Variants in FAM234A observed in about 807,000 individuals in gnomAD.
The protein encoded by FAM234A is protein FAM234A.
Under a neutral mutation model 49.1 loss-of-function variants are expected in FAM234A, and 42 were observed. The ratio of observed to expected loss-of-function variants is 0.86; its 90% CI spans 0.67 to 1.11. The LOEUF (loss-of-function observed/expected upper bound fraction) is 1.11, where lower values mean the gene tolerates loss of function less well. FAM234A is among the 50% of genes least tolerant of loss of function. The probability of loss-of-function intolerance (pLI) is 0.00; values close to 1 mark genes in which losing one functional copy is unlikely to be tolerated. For missense variants in FAM234A, 815 were observed against 745.2 expected (o/e 1.09, Z -1.09); for synonymous variants, 369 against 316.2 (o/e 1.17, Z -1.77).
intron 1 of FAM234A, among the ~76,000 whole-genome samples, chr16:237,863 C>T (rs897637514): frequency 6.6e-6 from 1 of 151,726 alleles, no homozygotes; most frequent in East Asian, 1.9e-4. Flanking sequence ...ACTACCACGC[C>T]CAGCTATTTT....
At position 243,384 on chromosome 16, in the gene FAM234A, G is replaced by C. The variant is rs549731563; in HGVS notation, c.-139-6165G>C. Among the ~76,000 whole-genome samples, 8 of 152,258 alleles carry C rather than the reference G, an allele frequency of 5.3e-5. 1 individual carries two copies. The South Asian group carries it at 1.7e-3, about 32-fold the overall frequency. ...GGTCAATGGTATGGATGCTAAAGTA[G>C]AGCAAGGACAGTGCCCTGCTCAAGT... On this transcript the variant is annotated intron_variant, in intron 1 of 12. Transcript: ENST00000399932.
chr16:260,098 C>T lies in FAM234A; in HGVS notation c.515C>T (p.Ala172Val), dbSNP rs775558901. 2 of 1,613,884 alleles carry T rather than the reference C, an allele frequency of 1.2e-6. No homozygotes were observed. The highest frequency in any genetic ancestry group is 2.2e-5 in the East Asian group (1 of 44,882). ...CAVPQPRGSEAPSACILVGRP... is the reference protein window; with the variant it reads ...CAVPQPRGSEVPSACILVGRP... Reference sequence around the variant, plus strand: ...GTGCCCCAGCCAAGAGGCAGTGAGGCACCTTCTGCCTGCATCCTGGTGGGC... The same window carrying T: ...GTGCCCCAGCCAAGAGGCAGTGAGGTACCTTCTGCCTGCATCCTGGTGGGC... The change falls in exon 5 of 13, where the codon GCA becomes GTA. Residue 172 changes from alanine to valine, a missense_variant. Coordinates refer to ENST00000399932, the MANE Select transcript of FAM234A (RefSeq NM_032039.4).
chr16:253,399 C>T (rs1013058017), intron 2 of FAM234A, among the ~76,000 whole-genome samples: 4 of 152,122 alleles, frequency 2.6e-5, no homozygotes, highest in Non-Finnish European at 5.9e-5. Flanking sequence ...TATCCATGAA[C>T]ATATTTTATT....
At chr16:252,289 C>G (rs2051051500) in intron 2 of FAM234A, among the ~76,000 whole-genome samples, 1 of 149,910 alleles carries the variant, frequency 6.7e-6, no homozygotes, top group Non-Finnish European at 1.5e-5. Context: ...TCAAGCCATT[C>G]TCCTGCCTCA....
chr16:261,444 T>G lies in FAM234A; in HGVS notation c.638T>G (p.Leu213Arg). The G allele has an allele frequency of 6.2e-7, 1 of 1,613,640 alleles. No individual in the cohort carries two copies. Residue 213 changes from leucine (L) to arginine (R), a missense_variant, in exon 6 of 13, where the codon CTG becomes CGG. Coordinates refer to ENST00000399932, the MANE Select transcript of FAM234A (RefSeq NM_032039.4). ...FSGNASILSP[L>R]LQVPDVDGDG... Reference sequence around the variant, plus strand: ...GGGAATGCGTCCATCCTGAGCCCTCTGCTGCAGGTGCCTGATGTGGACGGC... The same window carrying G: ...GGGAATGCGTCCATCCTGAGCCCTCGGCTGCAGGTGCCTGATGTGGACGGC...
At position 265,196 on chromosome 16, in the gene FAM234A, A is replaced by G. The variant is rs1486770242; in HGVS notation, c.*174A>G. The G allele has an allele frequency of 6.4e-6, 9 of 1,416,296 alleles. No individual in the cohort carries two copies. The highest frequency in any genetic ancestry group is 1.4e-5 in the African/African-American group (1 of 69,336). The allele number at this position is 1,416,296 out of a possible 1,614,324, so 87.7% of individuals were successfully genotyped here. A position where few individuals can be genotyped will look rare whatever the true frequency, so the allele number is the denominator to read the frequency against. On this transcript the variant is annotated 3_prime_UTR_variant, in exon 13 of 13. Coordinates refer to ENST00000399932, the MANE Select transcript of FAM234A (RefSeq NM_032039.4). ...TCCATGATCACACCCAGGGACCTGC[A>G]TGGGTGAGGGGACACCCTGGGCCTC...
chr16:254,384 C>T lies in FAM234A; in HGVS notation c.-30C>T. The T allele has an allele frequency of 6.2e-7, 1 of 1,610,874 alleles. No homozygotes were observed. Among genetic ancestry groups the T allele is most frequent in the Admixed American group, 1.7e-5 (1 of 59,670 alleles). On this transcript the variant is annotated 5_prime_UTR_variant, in exon 3 of 13. Coordinates refer to ENST00000399932, the MANE Select transcript of FAM234A (RefSeq NM_032039.4). ...ACCTCTTGCTTTATCGACACAGTGA[C>T]CAGGAGTTAAACTTTGGGATGTGCC...
chr16:266,419 C>T (rs2051694815), downstream of FAM234A, among the ~76,000 whole-genome samples: 1 of 152,174 alleles, frequency 6.6e-6, no homozygotes, highest in African/African-American at 2.4e-5. Flanking sequence ...CGTCTGAGGG[C>T]TGGCTGGAGT....
chr16:265,166 A>G lies in FAM234A; in HGVS notation c.*144A>G. The G allele has an allele frequency of 7.0e-7, 1 of 1,430,890 alleles. No individual in the cohort carries two copies. Among genetic ancestry groups the G allele is most frequent in the Non-Finnish European group, 9.1e-7 (1 of 1,096,112 alleles). 88.6% of individuals were successfully genotyped at this position (1,430,890 alleles called of 1,614,324 possible). On this transcript the variant is annotated 3_prime_UTR_variant, in exon 13 of 13. Transcript: ENST00000399932. ...GCCACTGGGCAGCAGCAGCCTTACC[A>G]GTCCTCCATGATCACACCCAGGGAC...
rs1346784580 is a variant in FAM234A, at chr16:259,600, G to A, written c.385+1G>A. On this transcript the variant is annotated splice_donor_variant, in intron 4 of 12. Coordinates refer to ENST00000399932, the MANE Select transcript of FAM234A (RefSeq NM_032039.4). LOFTEE classifies it high-confidence loss of function. ...TTCAGCCGATCCTGTGTGGACGAAGGTAATTTCATTTTATATGAAAAAGGC... is the reference window on the plus strand; with the variant it reads ...TTCAGCCGATCCTGTGTGGACGAAGATAATTTCATTTTATATGAAAAAGGC... The A allele has an allele frequency of 6.4e-7, 1 of 1,573,008 alleles. No homozygotes were observed. The highest frequency in any genetic ancestry group is 8.7e-7 in the Non-Finnish European group (1 of 1,143,972).
At chr16:255,048 G>C (rs1721289319) in intron 3 of FAM234A, among the ~76,000 whole-genome samples, 1 of 152,108 alleles carries the variant, frequency 6.6e-6, no homozygotes, top group African/African-American at 2.4e-5. Flanking sequence ...TAGAGACCGG[G>C]TTTCACCATG....
In FAM234A at chr16:243,461, C is replaced by T. The variant is rs1439419306; in HGVS notation, c.-139-6088C>T. Among the ~76,000 whole-genome samples, 3 of 152,308 alleles carry T rather than the reference C, an allele frequency of 2.0e-5. No homozygotes were observed. The East Asian group carries it at 5.8e-4, about 29-fold the overall frequency. On this transcript the variant is annotated intron_variant, in intron 1 of 12. Transcript: ENST00000399932. Reference sequence around the variant, plus strand: ...TTCTCTGCCAGTCAGGTTCCTGAAGCTCTGGCTACGGCTCCTGGTATTTTT... The same window carrying T: ...TTCTCTGCCAGTCAGGTTCCTGAAGTTCTGGCTACGGCTCCTGGTATTTTT...
rs1444221205 is a variant in FAM234A at position 264,600 on chromosome 16, G to T, written c.1345-14G>T. On this transcript the variant is annotated splice_polypyrimidine_tract_variant and intron_variant, in intron 11 of 12. Transcript: ENST00000399932. ...AGTGAAGGGCGTGGGGCCCATTGCT[G>T]GTTCTCGCTCCAGGAGACCGGGGAG... 1 of 1,581,138 alleles carries T rather than the reference G, an allele frequency of 6.3e-7. No homozygotes were observed.
chr16:254,426 A>G lies in FAM234A; in HGVS notation c.13A>G (p.Lys5Glu). The change falls in exon 3 of 13, where the codon AAG (lysine) becomes GAG (glutamate). Residue 5 changes from lysine (K) to glutamate (E), a missense_variant. Coordinates refer to ENST00000399932, the MANE Select transcript of FAM234A (RefSeq NM_032039.4). MLDH[K>E]DLEAEIHPLK... ...GGATGTGCCCGTGATGTTGGACCACAAGGACTTAGAGGCCGAAATCCACCC... is the reference window on the plus strand; with the variant it reads ...GGATGTGCCCGTGATGTTGGACCACGAGGACTTAGAGGCCGAAATCCACCC... The G allele has an allele frequency of 6.2e-7, 1 of 1,613,990 alleles. No individual in the cohort carries two copies. Among genetic ancestry groups the G allele is most frequent in the Non-Finnish European group, 8.5e-7 (1 of 1,179,976 alleles).
At chr16:259,663 C>A in intron 4 of FAM234A, 64 bp downstream of exon 4, 2 of 1,024,580 alleles carry the variant, frequency 2.0e-6, no homozygotes, top group South Asian at 1.3e-5. Flanking sequence ...CATTTTGGGT[C>A]ACCCTCTCGC....
downstream of FAM234A, chr16:269,491 G>A (rs759242927): frequency 1.2e-6 from 2 of 1,612,346 alleles, no homozygotes; most frequent in East Asian, 2.2e-5. Context: ...ACAGGGCACT[G>A]CCTGGGCTCA....
At chr16:253,442 G>C (rs2051098788) in intron 2 of FAM234A, among the ~76,000 whole-genome samples, 1 of 151,978 alleles carries the variant, frequency 6.6e-6, no homozygotes, top group African/African-American at 2.4e-5. Context: ...AATGTTTACT[G>C]TGTATCATAT....
At chr16:238,098 A>G (rs1489194871) in intron 1 of FAM234A, among the ~76,000 whole-genome samples, 2 of 151,936 alleles carry the variant, frequency 1.3e-5, no homozygotes, top group Non-Finnish European at 2.9e-5. Flanking sequence ...GGCCCACTGC[A>G]ACCCCCGCCT....
intron 1 of FAM234A, chr16:248,287 C>T (rs2050886614): frequency 6.6e-6 from 1 of 151,988 alleles, no homozygotes; most frequent in Admixed American, 6.6e-5. Flanking sequence ...TTCGGCCAGG[C>T]TCTCCAATTC....
Sources: gnomAD v4.1 joint callset for allele counts (sites outside exome capture counted in the v4.1 genomes callset) on GRCh38, gnomAD v4.1.1 for gene constraint, MANE v1.5 for transcripts, NCBI Gene and HGNC (gene_info 2026-07-23, HGNC 2026-07-21) for gene names.